SPAG4: variants seen among roughly 807,000 people sequenced by gnomAD.
SPAG4 encodes the protein sperm associated antigen 4, also known as sperm-associated antigen 4 protein.
Under a neutral mutation model 53.9 loss-of-function variants are expected in SPAG4, and 54 were observed. The observed-to-expected ratio is 1.00, with a 90% confidence interval of 0.80 to 1.26. The LOEUF (loss-of-function observed/expected upper bound fraction) is 1.26, where lower values mean the gene tolerates loss of function less well. SPAG4 is among the 50% of genes most tolerant of loss of function. SPAG4 has a pLI of 0.00. For missense variants in SPAG4, 548 were observed against 568.6 expected, an observed-to-expected ratio of 0.96 and a Z score of 0.37; for synonymous variants, 246 against 237.4, an observed-to-expected ratio of 1.04 and a Z score of -0.33.
intron 1 of SPAG4, chr20:35,616,846 C>T: frequency 7.1e-6 from 3 of 424,172 alleles, no homozygotes; most frequent in South Asian, 5.9e-5. Flanking sequence ...ATCAGGCTGG[C>T]CTCGAACTCC....
rs1474179664 is a variant in SPAG4 at position 35,617,687 on chromosome 20, G to C, written c.477-92G>C. The C allele has an allele frequency of 1.9e-6, 3 of 1,562,248 alleles. No homozygotes were observed. The African/African-American group carries it at 4.1e-5, about 21-fold the overall frequency. Reference sequence around the variant, plus strand: ...CGCTTGAGCCGATTCAGATCTGATTGAGTCATGTTGGCAAGAGCTGGGTCT... The same window carrying C: ...CGCTTGAGCCGATTCAGATCTGATTCAGTCATGTTGGCAAGAGCTGGGTCT... On this transcript the variant is annotated intron_variant, in intron 3 of 11. Coordinates refer to ENST00000374273, the MANE Select transcript of SPAG4 (RefSeq NM_003116.3).
Position 35,617,589 on chromosome 20 carries a change from C to G in SPAG4, c.476+3C>G, listed in dbSNP as rs2031430847. On this transcript the variant is annotated splice_donor_region_variant and intron_variant, in intron 3 of 11. Coordinates refer to ENST00000374273, the MANE Select transcript of SPAG4 (RefSeq NM_003116.3). ...GACGTGCTGGTCAGCATGTACAGGTCAGAGGAAGGGACGCTGGCGCCCCAG... is the reference window on the plus strand; with the variant it reads ...GACGTGCTGGTCAGCATGTACAGGTGAGAGGAAGGGACGCTGGCGCCCCAG... 1.2e-6 allele frequency: 2 copies of G among 1,608,438 alleles called. No individual in the cohort carries two copies. Among genetic ancestry groups the G allele is most frequent in the African/African-American group, 2.7e-5 (2 of 74,984 alleles).
At chr20:35,619,070 C>A in intron 8 of SPAG4, 72 bp downstream of exon 8, 2 of 1,485,654 alleles carry the variant, frequency 1.3e-6, no homozygotes, top group Non-Finnish European at 9.4e-7. Context: ...CAGACAGACC[C>A]ATGCACCTGA....
In SPAG4 at chr20:35,620,767, C is replaced by G. The variant is rs555979098; in HGVS notation, c.1161C>G (p.His387Gln). Reference protein sequence around the residue: ...DVEKSEIQTFHLQNDPPAAFP... With the variant: ...DVEKSEIQTFQLQNDPPAAFP... ...AGAAATCGGAGATTCAGACTTTCCACCTGCAGGTGTGTTTGTCTCTAGGGT... is the reference window on the plus strand; with the variant it reads ...AGAAATCGGAGATTCAGACTTTCCAGCTGCAGGTGTGTTTGTCTCTAGGGT... The change falls in exon 11 of 12, where the codon CAC (histidine) becomes CAG (glutamine). Residue 387 changes from histidine to glutamine, a missense_variant. By Grantham distance (24) the His-to-Gln change is conservative. Coordinates refer to ENST00000374273, the MANE Select transcript of SPAG4 (RefSeq NM_003116.3). 9.9e-5 allele frequency: 159 copies of G among 1,613,962 alleles called. No homozygotes were observed. The South Asian group carries it at 1.6e-3, about 17-fold the overall frequency.
Position 35,619,740 on chromosome 20 carries a change from G to T in SPAG4, c.1071G>T (p.Ala357=). The change falls in exon 10 of 12, where the codon GCG becomes GCT. Residue 357 remains alanine, a synonymous_variant. Transcript: ENST00000374273. ...CCAACAGCGCCCCCCGCGATTTCGC[G>T]GTCTTTGTGAGTGCGGACGAGGTCA... ...GGANSAPRDF[A]VFGLQVYDET... The T allele has an allele frequency of 6.2e-7, 1 of 1,608,858 alleles. No individual in the cohort carries two copies. Among genetic ancestry groups the T allele is most frequent in the Non-Finnish European group, 8.5e-7 (1 of 1,176,316 alleles).
chr20:35,618,485 G>C lies in SPAG4; in HGVS notation c.608+10G>C. The C allele has an allele frequency of 1.9e-6, 3 of 1,613,862 alleles. No homozygotes were observed. The highest frequency in any genetic ancestry group is 2.5e-6 in the Non-Finnish European group (3 of 1,179,932). On this transcript the variant is annotated intron_variant, in intron 6 of 11. Transcript: ENST00000374273. ...AGATGCTGACTCTAAGGTGAAAGAG[G>C]GCACCTAGGGTGGGAAATTGGGGGG...
At chr20:35,617,875 T>C (rs751930671) in intron 4 of SPAG4, 35 bp downstream of exon 4, 13 of 1,603,724 alleles carry the variant, frequency 8.1e-6, no homozygotes, top group Non-Finnish European at 1.1e-5. Context: ...GCCCCTGCCC[T>C]GGGTGCTTTG....
chr20:35,620,120 G>T (rs1042402741), intron 10 of SPAG4, among the ~76,000 whole-genome samples: 28 of 152,012 alleles, frequency 1.8e-4, no homozygotes, highest in African/African-American at 6.8e-4. Flanking sequence ...ACAGGCGTGC[G>T]CCACCATGCT....
intron 6 of SPAG4, 62 bp downstream of exon 6, chr20:35,618,537 G>T: frequency 6.2e-7 from 1 of 1,608,192 alleles, no homozygotes; most frequent in East Asian, 2.2e-5. Context: ...TGAGAACCTT[G>T]AAGGCGTGGG....
intron 10 of SPAG4, 69 bp downstream of exon 10, chr20:35,619,815 G>A: frequency 6.7e-7 from 1 of 1,484,132 alleles, no homozygotes; most frequent in East Asian, 2.3e-5. Flanking sequence ...GAGAACTGGT[G>A]CCGTTATCTG....
intron 1 of SPAG4, chr20:35,616,814 G>A (rs1030508636): frequency 6.3e-6 from 2 of 319,642 alleles, no homozygotes; most frequent in African/African-American, 4.3e-5. Context: ...GTTTTTAGTA[G>A]AGACGGGGTT....
At position 35,619,712 on chromosome 20, in the gene SPAG4, G is replaced by A. The variant is rs1231626613; in HGVS notation, c.1043G>A (p.Gly348Glu). The change falls in exon 10 of 12, where the codon GGA (glycine) becomes GAA (glutamate). Residue 348 changes from glycine (G) to glutamate (E), a missense_variant. By Grantham distance (98) the Gly-to-Glu change is moderately conservative. Coordinates refer to ENST00000374273, the MANE Select transcript of SPAG4 (RefSeq NM_003116.3). ...HPPPSVEHTG[G>E]ANSAPRDFAV... ...CCGCCCAGCGTGGAGCACACCGGAGGAGCCAACAGCGCCCCCCGCGATTTC... is the reference window on the plus strand; with the variant it reads ...CCGCCCAGCGTGGAGCACACCGGAGAAGCCAACAGCGCCCCCCGCGATTTC... 6.2e-7 allele frequency: 1 copy of A among 1,612,316 alleles called. No individual in the cohort carries two copies. The highest frequency in any genetic ancestry group is 1.3e-5 in the African/African-American group (1 of 74,908).
At chr20:35,618,815 G>T in intron 7 of SPAG4, 95 bp downstream of exon 7, 1 of 1,430,738 alleles carries the variant, frequency 7.0e-7, no homozygotes. Flanking sequence ...GATTTCTCCC[G>T]GTGCCCACGA....
intron 7 of SPAG4, 81 bp downstream of exon 7, chr20:35,618,801 G>C: frequency 7.0e-7 from 1 of 1,436,196 alleles, no homozygotes; most frequent in Non-Finnish European, 9.6e-7. Context: ...CCAGAGCCCT[G>C]CGGGATTTCT....
At chr20:35,619,372 C>A in intron 9 of SPAG4, 62 bp downstream of exon 9, 1 of 1,514,298 alleles carries the variant, frequency 6.6e-7, no homozygotes, top group Non-Finnish European at 9.2e-7. Flanking sequence ...GCACCAAAAC[C>A]CCGCCCTACA....
At chr20:35,617,901 C>G in intron 4 of SPAG4, 61 bp downstream of exon 4, 1 of 1,540,482 alleles carries the variant, frequency 6.5e-7, no homozygotes, top group Middle Eastern at 1.7e-4. Flanking sequence ...AAACCCAGCA[C>G]ATTTTCTCCT....
At chr20:35,619,880 T>C in intron 10 of SPAG4, 134 bp downstream of exon 10, 5 of 893,680 alleles carry the variant, frequency 5.6e-6, no homozygotes, top group Non-Finnish European at 8.3e-6. Flanking sequence ...CTCTCAGAGC[T>C]GCTGTAGGTT....
rs1397893176 is a variant in SPAG4, at chr20:35,616,054, G to C, written c.51G>C (p.Thr17=). 6 of 1,606,778 alleles carry C rather than the reference G, an allele frequency of 3.7e-6. No homozygotes were observed. Among genetic ancestry groups the C allele is most frequent in the Non-Finnish European group, 5.1e-6 (6 of 1,176,426 alleles). The change falls in exon 1 of 12, where the codon ACG becomes ACC. Residue 17 remains threonine, a synonymous_variant. Transcript: ENST00000374273. ...PGSASSSRKH[T]PNFFSENSSM... is the part of the protein sequence containing the mutation. ...CGGCCTCGTCCTCGCGCAAGCACACGCCCAACTTTTTCAGCGAGAACAGCT... is the reference window on the plus strand; with the variant it reads ...CGGCCTCGTCCTCGCGCAAGCACACCCCCAACTTTTTCAGCGAGAACAGCT...
chr20:35,620,111 C>T, intron 10 of SPAG4, among the ~76,000 whole-genome samples: 1 of 152,076 alleles, frequency 6.6e-6, no homozygotes, highest in Non-Finnish European at 1.5e-5. Flanking sequence ...GCTGGAATTA[C>T]AGGCGTGCGC....
Sources: gnomAD v4.1 joint callset for allele counts (sites outside exome capture counted in the v4.1 genomes callset) on GRCh38, gnomAD v4.1.1 for gene constraint, MANE v1.5 for transcripts, NCBI Gene and HGNC (gene_info 2026-07-23, HGNC 2026-07-21) for gene names.